ITGAM: variants seen among roughly 807,000 people sequenced by gnomAD.
ITGAM encodes the protein integrin alpha-M.
A neutral mutation model predicts 137.5 loss-of-function variants in ITGAM; 79 were observed. The ratio of observed to expected loss-of-function variants is 0.57; its 90% CI spans 0.48 to 0.69. ITGAM has a LOEUF of 0.69. Among genes scored for constraint, ITGAM ranks in the 30% least tolerant of loss-of-function variants. The pLI, the probability that ITGAM is intolerant of heterozygous loss-of-function variation, is 0.00. For synonymous variants in ITGAM, 583 were observed against 592.3 expected (o/e 0.98, Z 0.23); for missense variants, 1,343 against 1,483.5 (o/e 0.91, Z 1.56).
At chr16:31,264,985 A>C (rs914944076) in intron 2 of ITGAM, among the ~76,000 whole-genome samples, 1 of 152,124 alleles carries the variant, frequency 6.6e-6, no homozygotes, top group Non-Finnish European at 1.5e-5. Context: ...CTCTTGCCTC[A>C]GCCTCCCATT....
At position 31,329,943 on chromosome 16, in the gene ITGAM, G is replaced by T. The variant is rs371546512; in HGVS notation, c.2976+38G>T. The T allele has an allele frequency of 5.2e-6, 8 of 1,539,888 alleles. No homozygotes were observed. The South Asian group carries it at 9.5e-5, about 18-fold the overall frequency. On this transcript the variant is annotated intron_variant, in intron 25 of 29. Coordinates refer to ENST00000544665, the MANE Select transcript of ITGAM (RefSeq NM_000632.4). ...CGGCCTGACTCCTGCACGGCCCTGC[G>T]CGTTCCTCTCACCTCTGTTAATGCT... is the stretch of plus-strand genomic sequence containing the variant.
intron 8 of ITGAM, 120 bp downstream of exon 8, chr16:31,273,638 A>G: frequency 1.1e-6 from 1 of 927,182 alleles, no homozygotes; most frequent in South Asian, 1.6e-5. Flanking sequence ...GCTAGCTCAT[A>G]TACACCGTAT....
At chr16:31,283,001 G>A (rs1353766862) in intron 12 of ITGAM, among the ~76,000 whole-genome samples, 1 of 151,992 alleles carries the variant, frequency 6.6e-6, no homozygotes, top group Non-Finnish European at 1.5e-5. Flanking sequence ...TGGATATGAA[G>A]TTCTGGGTTG....
chr16:31,271,880 A>G lies in ITGAM; in HGVS notation c.592A>G (p.Ile198Val). The G allele has an allele frequency of 6.2e-7, 1 of 1,614,006 alleles. No homozygotes were observed. The highest frequency in any genetic ancestry group is 8.5e-7 in the Non-Finnish European group (1 of 1,179,892). Residue 198 changes from isoleucine (I) to valine (V), a missense_variant, in exon 7 of 30, where the codon ATT (isoleucine) becomes GTT (valine). Transcript: ENST00000544665. ...GATGCAGTACTCTGAAGAATTCCGG[A>G]TTCACTTTACCTTCAAAGAGTTCCA... is the stretch of plus-strand genomic sequence containing the variant. ...SLMQYSEEFR[I>V]HFTFKEFQNN...
intron 11 of ITGAM, among the ~76,000 whole-genome samples, chr16:31,277,358 A>AT (rs2079919161): frequency 7.1e-6 from 1 of 140,696 alleles, no homozygotes; most frequent in Non-Finnish European, 1.5e-5. Context: ...ACCCCTGGCT[A>AT]ATTTTTTTTT....
intron 11 of ITGAM, 95 bp downstream of exon 11, chr16:31,277,144 A>G: frequency 1.8e-6 from 2 of 1,084,752 alleles, no homozygotes; most frequent in Non-Finnish European, 2.6e-6. Flanking sequence ...AATGGGATAC[A>G]TATGTATGGG....
chr16:31,304,534 A>C (rs1210648463), intron 14 of ITGAM, among the ~76,000 whole-genome samples: 2 of 152,132 alleles, frequency 1.3e-5, no homozygotes, highest in Admixed American at 6.6e-5. Context: ...TTCTTTGCCT[A>C]GGCCAATGTC....
chr16:31,328,024 G>A (rs967889290), intron 22 of ITGAM, 123 bp from the exon 23 acceptor site: 2 of 756,260 alleles, frequency 2.6e-6, no homozygotes, highest in Non-Finnish European at 4.7e-6. Context: ...AGAACAGTGG[G>A]GTTTCAGATG....
intron 12 of ITGAM, among the ~76,000 whole-genome samples, chr16:31,284,178 G>A (rs965508980): frequency 6.6e-6 from 1 of 152,194 alleles, no homozygotes; most frequent in African/African-American, 2.4e-5. Flanking sequence ...GGGGGTCAGG[G>A]ACCCACTTGA....
intron 12 of ITGAM, 78 bp from the exon 13 acceptor site, chr16:31,297,436 C>A (rs1392815771): frequency 1.2e-4 from 194 of 1,588,806 alleles, no homozygotes; most frequent in Non-Finnish European, 3.4e-6. Flanking sequence ...GCAGGCATAA[C>A]TTTTCTTCAG....
chr16:31,277,783 G>A (rs1171374578), intron 11 of ITGAM, among the ~76,000 whole-genome samples, 184 bp from the exon 12 acceptor site: 1 of 152,104 alleles, frequency 6.6e-6, no homozygotes, highest in Non-Finnish European at 1.5e-5. Context: ...GTGAGCCACC[G>A]CACCCGGCCA....
In ITGAM at chr16:31,266,019, C is replaced by T; in HGVS notation, c.310-11C>T. ...CAGGGGCAGCCCCTTCCACTGGCTCCTGTCCCCTAGGCCTGTGGTCCCACC... is the reference window on the plus strand; with the variant it reads ...CAGGGGCAGCCCCTTCCACTGGCTCTTGTCCCCTAGGCCTGTGGTCCCACC... On this transcript the variant is annotated splice_polypyrimidine_tract_variant and intron_variant, in intron 4 of 29. Coordinates refer to ENST00000544665, the MANE Select transcript of ITGAM (RefSeq NM_000632.4). 1 of 1,611,212 alleles carries T rather than the reference C, an allele frequency of 6.2e-7. No individual in the cohort carries two copies. Among genetic ancestry groups the T allele is most frequent in the Non-Finnish European group, 8.5e-7 (1 of 1,177,672 alleles).
rs1179765120 is a variant in ITGAM, at chr16:31,328,187, C to G, written c.2749C>G (p.Leu917Val). The G allele has an allele frequency of 6.2e-7, 1 of 1,613,880 alleles. No homozygotes were observed. Among genetic ancestry groups the G allele is most frequent in the Admixed American group, 1.7e-5 (1 of 60,006 alleles). Reference sequence around the variant, plus strand: ...CAGAACCAACAAAACCGAATTCCAACTGGAGCTGCCGGTGAAATATGCTGT... The same window carrying G: ...CAGAACCAACAAAACCGAATTCCAAGTGGAGCTGCCGGTGAAATATGCTGT... ...MPRTNKTEFQLELPVKYAVYM... is the reference protein window; with the variant it reads ...MPRTNKTEFQVELPVKYAVYM... Residue 917 changes from leucine (L) to valine (V), a missense_variant, in exon 23 of 30, where the codon CTG (leucine) becomes GTG (valine). Physicochemically the swap from Leu to Val is conservative, Grantham distance 32. Coordinates refer to ENST00000544665, the MANE Select transcript of ITGAM (RefSeq NM_000632.4).
chr16:31,329,610 T>C (rs1371846338), intron 24 of ITGAM, among the ~76,000 whole-genome samples, 188 bp from the exon 25 acceptor site: 2 of 150,924 alleles, frequency 1.3e-5, no homozygotes, highest in Admixed American at 1.3e-4. Flanking sequence ...ACCGAGTAAG[T>C]GGGAGAGCTA....
At chr16:31,303,183 C>A (rs1386892515) in intron 14 of ITGAM, among the ~76,000 whole-genome samples, 1 of 151,358 alleles carries the variant, frequency 6.6e-6, no homozygotes, top group Non-Finnish European at 1.5e-5. Flanking sequence ...TAGGTGTGCA[C>A]CCCCACGCTT....
At chr16:31,303,466 T>A (rs1462348696) in intron 14 of ITGAM, among the ~76,000 whole-genome samples, 1 of 152,198 alleles carries the variant, frequency 6.6e-6, no homozygotes, top group Non-Finnish European at 1.5e-5. Flanking sequence ...TTTTAAAAAA[T>A]TTCAGTAACT....
At position 31,297,933 on chromosome 16, in the gene ITGAM, C is replaced by T; in HGVS notation, c.1686C>T (p.Gly562=). The part of the protein sequence containing the change: ...VYLFHGTSGS[G]ISPSHSQRIA... ...TGTTTCACGGAACCTCAGGATCTGGCATCAGCCCCTCCCATAGCCAGGTGA... is the reference window on the plus strand; with the variant it reads ...TGTTTCACGGAACCTCAGGATCTGGTATCAGCCCCTCCCATAGCCAGGTGA... The change falls in exon 14 of 30, where the codon GGC becomes GGT. Residue 562 remains glycine, a synonymous_variant. Transcript: ENST00000544665. The T allele has an allele frequency of 1.2e-6, 2 of 1,613,770 alleles. No individual in the cohort carries two copies. The highest frequency in any genetic ancestry group is 1.7e-6 in the Non-Finnish European group (2 of 1,179,874).
intron 14 of ITGAM, among the ~76,000 whole-genome samples, chr16:31,317,559 T>C (rs73534442): frequency 6.6e-6 from 1 of 152,240 alleles, no homozygotes; most frequent in Non-Finnish European, 1.5e-5. Flanking sequence ...TTCAGAACTA[T>C]GAGAAATAAA....
intron 12 of ITGAM, among the ~76,000 whole-genome samples, chr16:31,285,416 G>A (rs1480192719): frequency 6.6e-6 from 1 of 152,092 alleles, no homozygotes. Flanking sequence ...CTGAGGTCAG[G>A]AGTTTGAGAC....
Sources: gnomAD v4.1 joint callset for allele counts (sites outside exome capture counted in the v4.1 genomes callset) on GRCh38, gnomAD v4.1.1 for gene constraint, MANE v1.5 for transcripts, NCBI Gene and HGNC (gene_info 2026-07-23, HGNC 2026-07-21) for gene names.